The following TLE2 variants were observed in gnomAD, a reference collection of about 807,000 sequenced individuals.
TLE2 encodes TLE family member 2, transcriptional corepressor, also known as transducin-like enhancer protein 2.
A neutral mutation model predicts 97.2 loss-of-function variants in TLE2; 74 were observed. The ratio of observed to expected loss-of-function variants is 0.76; its 90% CI spans 0.63 to 0.92. The LOEUF (loss-of-function observed/expected upper bound fraction) is 0.92. Ranked by LOEUF, TLE2 falls within the 40% of genes least tolerant of loss-of-function variation. The probability of loss-of-function intolerance (pLI) is 0.00; values close to 1 mark genes in which losing one functional copy is unlikely to be tolerated. For synonymous variants in TLE2, 499 were observed against 432.1 expected, an observed-to-expected ratio of 1.15 and a Z score of -1.92; for missense variants, 1,038 against 1,008.7, an observed-to-expected ratio of 1.03 and a Z score of -0.39.
At chr19:3,012,900 G>A (rs1358493495) in intron 11 of TLE2, among the ~76,000 whole-genome samples, 2 of 152,190 alleles carry the variant, frequency 1.3e-5, no homozygotes, top group East Asian at 3.8e-4. Context: ...GACGACTGTG[G>A]GGTCAGGGAG....
chr19:3,012,401 G>A (rs1335953647), intron 11 of TLE2, among the ~76,000 whole-genome samples: 1 of 152,146 alleles, frequency 6.6e-6, no homozygotes. Context: ...ATTTTTCATA[G>A]AGACAAGGTC....
chr19:3,015,687 T>C lies in TLE2; in HGVS notation c.644A>G (p.Gln215Arg). Residue 215 changes from glutamine to arginine, a missense_variant, in exon 9 of 20, where the codon CAG becomes CGG. Transcript: ENST00000262953. Reference protein sequence around the residue: ...RPSGPGGGGKQRADEKEPSGP... With the variant: ...RPSGPGGGGKRRADEKEPSGP... ...TGATGGCTCCTTCTCATCTGCTCTC[T>C]GCTTCCCGCCACCACCAGGGCCACT... The C allele has an allele frequency of 6.2e-7, 1 of 1,611,382 alleles. No individual in the cohort carries two copies. Among genetic ancestry groups the C allele is most frequent in the Non-Finnish European group, 8.5e-7 (1 of 1,179,266 alleles).
chr19:3,015,090 A>G (rs1239754598), intron 9 of TLE2, among the ~76,000 whole-genome samples: 2 of 150,214 alleles, frequency 1.3e-5, no homozygotes, highest in Non-Finnish European at 3.0e-5. Context: ...TTAGGTAAAA[A>G]GGAAGATTTA....
At chr19:3,024,966 CCCGTCTT>C in intron 5 of TLE2, 47 bp downstream of exon 5, 2 of 1,487,780 alleles carry the variant, frequency 1.3e-6, no homozygotes, top group Middle Eastern at 2.2e-4. Flanking sequence ...CCTACCCCCT[CCCGTCTT>C]CTTCCGGCTC....
At position 3,029,030 on chromosome 19, in the gene TLE2, G is replaced by T; in HGVS notation, c.-126C>A. ...AAGAAAGAGGGAGGAGGGAGAAGCG[G>T]CGCGGGGCAAGGGACCCTGGAGTCC... is the stretch of plus-strand genomic sequence containing the variant. On this transcript the variant is annotated 5_prime_UTR_variant, in exon 1 of 20. Transcript: ENST00000262953. 1.3e-6 allele frequency: 2 copies of T among 1,491,118 alleles called. No homozygotes were observed. The highest frequency in any genetic ancestry group is 1.4e-5 in the African/African-American group (1 of 71,010). The allele number at this position is 1,491,118 out of a possible 1,614,324, so 92.4% of individuals were successfully genotyped here. A position where few individuals can be genotyped will look rare whatever the true frequency, so the allele number is the denominator to read the frequency against.
chr19:3,011,457 G>C (rs567609813), intron 11 of TLE2, among the ~76,000 whole-genome samples: 1 of 151,492 alleles, frequency 6.6e-6, no homozygotes, highest in Non-Finnish European at 1.5e-5. Flanking sequence ...GCATGAACCC[G>C]GGAGACGGAG....
At chr19:3,006,395 G>A (rs1467541980) in intron 15 of TLE2, 25 bp downstream of exon 15, 4 of 1,600,290 alleles carry the variant, frequency 2.5e-6, no homozygotes, top group Admixed American at 3.4e-5. Context: ...TGTGAGTCCC[G>A]CCCACTGTCC....
chr19:3,015,855 T>A, intron 8 of TLE2, 95 bp from the exon 9 acceptor site: 1 of 926,180 alleles, frequency 1.1e-6, no homozygotes, highest in Non-Finnish European at 1.7e-6. Flanking sequence ...CCCCCACCAT[T>A]ATTAGGGTCC....
In TLE2 at chr19:3,019,364, A is replaced by G. The variant is rs776422448; in HGVS notation, c.469T>C (p.Ser157Pro). Residue 157 changes from serine (S) to proline (P), a missense_variant, in exon 7 of 20, where the codon TCT (serine) becomes CCT (proline). Ser to Pro is a moderately conservative substitution (Grantham distance 74, BLOSUM62 -1). Coordinates refer to ENST00000262953, the MANE Select transcript of TLE2 (RefSeq NM_003260.5). This position sits in a 1 kb window ranked among gnomAD's most constrained non-coding sequence, Gnocchi z 5.1. ...TGAGCCTGGGCAGCCAGGGCTCCAGACAGAGCAAGCAGCCCCGTAGCACTG... is the reference window on the plus strand; with the variant it reads ...TGAGCCTGGGCAGCCAGGGCTCCAGGCAGAGCAAGCAGCCCCGTAGCACTG... Reference protein sequence around the residue: ...GGSATGLLALSGALAAQAQLA... With the variant: ...GGSATGLLALPGALAAQAQLA... The G allele has an allele frequency of 1.3e-6, 2 of 1,560,482 alleles. No homozygotes were observed. Among genetic ancestry groups the G allele is most frequent in the Admixed American group, 3.7e-5 (2 of 54,386 alleles).
chr19:3,019,847 A>T lies in TLE2; in HGVS notation c.295-74T>A. The T allele has an allele frequency of 6.6e-7, 1 of 1,524,280 alleles. No individual in the cohort carries two copies. The highest frequency in any genetic ancestry group is 8.9e-7 in the Non-Finnish European group (1 of 1,128,794). 94.4% of individuals were successfully genotyped at this position (1,524,280 alleles called of 1,614,324 possible). On this transcript the variant is annotated intron_variant, in intron 5 of 19. Coordinates refer to ENST00000262953, the MANE Select transcript of TLE2 (RefSeq NM_003260.5). The surrounding 1 kb of genome is among the most constrained non-coding windows in gnomAD (Gnocchi z 5.1). ...TGCTAGCGGTGCCCTTGGGGACCTG[A>T]CCTCTCCCCGCCACCCTCTCATCTT... is the stretch of plus-strand genomic sequence containing the variant.
At chr19:3,041,014 T>TATATATATATATGTATATATATATATA (rs55998855) in intron 1 of TLE2, among the ~76,000 whole-genome samples, 2 of 20,166 alleles carry the variant, frequency 9.9e-5, no homozygotes, top group Non-Finnish European at 1.7e-4. Flanking sequence ...TATATATATA[T>TATATATATATATGTATATATATATATA]TTTTTTTTTT....
intron 18 of TLE2, 124 bp downstream of exon 18, chr19:3,002,229 T>C (rs1029782875): frequency 1.6e-6 from 2 of 1,226,212 alleles, no homozygotes; most frequent in African/African-American, 3.1e-5. Flanking sequence ...CGATTTGCTT[T>C]TGAGTATATA....
intron 11 of TLE2, 87 bp from the exon 12 acceptor site, chr19:3,011,247 G>T: frequency 1.4e-6 from 2 of 1,406,650 alleles, no homozygotes; most frequent in East Asian, 2.6e-5. Flanking sequence ...GTTGGGGGCG[G>T]CCAGTCGCAG....
chr19:2,998,249 G>A (rs1417639784), intron 19 of TLE2, among the ~76,000 whole-genome samples: 2 of 110,480 alleles, frequency 1.8e-5, no homozygotes, highest in Non-Finnish European at 3.3e-5. Context: ...GTGTGTGTGT[G>A]TGTGTGTGTG....
intron 3 of TLE2, 151 bp downstream of exon 3, chr19:3,028,168 G>A (rs2089976672): frequency 1.2e-6 from 1 of 838,626 alleles, no homozygotes. Flanking sequence ...GAGCTGGGAG[G>A]ACCCTCCTAG....
chr19:3,021,410 A>AG (rs1568245671), intron 5 of TLE2, among the ~76,000 whole-genome samples: 1 of 152,030 alleles, frequency 6.6e-6, no homozygotes, highest in African/African-American at 2.4e-5. Context: ...TCTCAAAAAA[A>AG]AAAGAAAGAA....
chr19:3,005,798 G>A lies in TLE2; in HGVS notation c.1671C>T (p.Pro557=), dbSNP rs541188233. 4.5e-5 allele frequency: 72 copies of A among 1,613,966 alleles called. No homozygotes were observed. In the Admixed American group the frequency reaches 1.0e-3, roughly 23 times the overall value. ...AGCAGGAGAAGCAAACCTTGGCGTC[G>A]GGGCTGACGGCCAGGGCGTAGCAGG... ...APACYALAVS[P]DAKVCFSCCS... The change falls in exon 16 of 20, where the codon CCC becomes CCT. Residue 557 remains proline (P), a synonymous_variant. Coordinates refer to ENST00000262953, the MANE Select transcript of TLE2 (RefSeq NM_003260.5).
Position 3,019,883 on chromosome 19 carries a change from C to A in TLE2, c.295-110G>T. On this transcript the variant is annotated intron_variant, in intron 5 of 19. Coordinates refer to ENST00000262953, the MANE Select transcript of TLE2 (RefSeq NM_003260.5). This position sits in a 1 kb window ranked among gnomAD's most constrained non-coding sequence, Gnocchi z 5.1. Reference sequence around the variant, plus strand: ...CCACCCTCTCATCTTTGCCCCGGTACTTCCCATTTCTCTTTTATCTTTTTC... The same window carrying A: ...CCACCCTCTCATCTTTGCCCCGGTAATTCCCATTTCTCTTTTATCTTTTTC... 3 of 1,350,054 alleles carry A rather than the reference C, an allele frequency of 2.2e-6. No homozygotes were observed. The highest frequency in any genetic ancestry group is 3.0e-6 in the Non-Finnish European group (3 of 992,816). The allele number at this position is 1,350,054 out of a possible 1,614,324, so 83.6% of individuals were successfully genotyped here. A position where few individuals can be genotyped will look rare whatever the true frequency, so the allele number is the denominator to read the frequency against.
At chr19:3,044,621 T>C (rs866204626) in intron 1 of TLE2, among the ~76,000 whole-genome samples, 5 of 152,200 alleles carry the variant, frequency 3.3e-5, no homozygotes, top group South Asian at 2.1e-4. Context: ...GGTTTCACCA[T>C]GTTGCCCAGG....
Sources: allele counts gnomAD v4.1 joint callset (sites outside exome capture counted in the v4.1 genomes callset), GRCh38; gene constraint gnomAD v4.1.1; non-coding constraint Gnocchi (gnomAD v3.1); transcripts MANE v1.5; gene names NCBI Gene and HGNC (gene_info 2026-07-23, HGNC 2026-07-21).